The following MBD5 variants were observed in gnomAD, a reference collection of about 807,000 sequenced individuals.
MBD5 encodes the protein methyl-CpG binding domain protein 5, also known as methyl-CpG-binding domain protein 5.
Under a neutral mutation model 117.3 loss-of-function variants are expected in MBD5, and 13 were observed. The ratio of observed to expected loss-of-function variants is 0.11; its 90% CI spans 0.07 to 0.18. The LOEUF (loss-of-function observed/expected upper bound fraction) is 0.18, where lower values mean the gene tolerates loss of function less well. Ranked by LOEUF, MBD5 falls within the 10% of genes least tolerant of loss-of-function variation. The pLI is 1.00. For missense variants in MBD5, 1,879 were observed against 2,093.8 expected (o/e 0.90, Z 2.00); for synonymous variants, 727 against 766.4 (o/e 0.95, Z 0.85).
At chr2:148,171,000 C>T (rs1387987527) in intron 1 of MBD5, among the ~76,000 whole-genome samples, 1 of 152,162 alleles carries the variant, frequency 6.6e-6, no homozygotes, top group East Asian at 1.9e-4. Context: ...ATCAAAATCT[C>T]TCATCAAAGA....
At chr2:148,485,454 A>C (rs1681306137) in intron 9 of MBD5, 1 of 332,376 alleles carries the variant, frequency 3.0e-6, no homozygotes, top group South Asian at 4.0e-5. Flanking sequence ...AGATGAAGGA[A>C]TCATATGACA....
chr2:148,404,125 G>T (rs201544701), intron 4 of MBD5, among the ~76,000 whole-genome samples: 1 of 129,452 alleles, frequency 7.7e-6, no homozygotes. Flanking sequence ...CTAGCATTAT[G>T]GGTTTTTTTT....
chr2:148,446,818 A>C (rs577274252), intron 4 of MBD5, among the ~76,000 whole-genome samples: 1 of 152,012 alleles, frequency 6.6e-6, no homozygotes, highest in African/African-American at 2.4e-5. Flanking sequence ...GAATATGGTA[A>C]TATCTCCCTG....
In MBD5 at chr2:148,485,779, TC is replaced by T; in HGVS notation, c.3583del (p.Gln1195AsnfsTer2). Reference sequence around the variant, plus strand: ...CAATAAACAATACTTTGAGTAACCATCAACTGACTCATCTACAGTCGCTGTT... The same window carrying T: ...CAATAAACAATACTTTGAGTAACCATAACTGACTCATCTACAGTCGCTGTT... ...SSINNTLSNH[Q>X]LTHLQSLLNN... On this transcript the variant is annotated frameshift_variant, in exon 10 of 14. Transcript: ENST00000642680. LOFTEE classifies it high-confidence loss of function. 1 of 1,613,942 alleles carries T rather than the reference TC, an allele frequency of 6.2e-7. No homozygotes were observed. Among genetic ancestry groups the T allele is most frequent in the Non-Finnish European group, 8.5e-7 (1 of 1,179,872 alleles).
intron 4 of MBD5, among the ~76,000 whole-genome samples, chr2:148,428,362 A>G (rs979652160): frequency 9.2e-5 from 14 of 152,160 alleles, no homozygotes; most frequent in African/African-American, 3.4e-4. Context: ...AAATAAATGG[A>G]AAAACGTTCC....
At position 148,394,396 on chromosome 2, in the gene MBD5, A is replaced by G. The variant is rs186898830; in HGVS notation, c.-557+52060A>G. ...TCTTATTCAAGTCTATGTTATAACAATTTTGATATCCTATATTTTTCTGGG... is the reference window on the plus strand; with the variant it reads ...TCTTATTCAAGTCTATGTTATAACAGTTTTGATATCCTATATTTTTCTGGG... On this transcript the variant is annotated intron_variant, in intron 4 of 13. Transcript: ENST00000642680. 1.2e-4 allele frequency among the ~76,000 whole-genome samples: 18 copies of G among 152,128 alleles called. No individual in the cohort carries two copies. In the East Asian group the frequency reaches 3.1e-3, roughly 26 times the overall value.
chr2:148,402,268 C>T (rs1315252513), intron 4 of MBD5, among the ~76,000 whole-genome samples: 2 of 152,094 alleles, frequency 1.3e-5, no homozygotes, highest in East Asian at 3.8e-4. Flanking sequence ...ATAATTATTA[C>T]TAGAGTGGTC....
chr2:148,146,832 T>G (rs904803260), intron 1 of MBD5, among the ~76,000 whole-genome samples: 3 of 152,184 alleles, frequency 2.0e-5, no homozygotes, highest in African/African-American at 7.2e-5. Flanking sequence ...TAACCTGTCA[T>G]TAGTTCATTG....
chr2:148,032,531 C>T (rs537798301), intron 1 of MBD5, among the ~76,000 whole-genome samples: 35 of 151,864 alleles, frequency 2.3e-4, no homozygotes, highest in African/African-American at 7.7e-4. Flanking sequence ...AGCATAGTAC[C>T]GAATATTAAA....
At chr2:148,200,171 C>T (rs758099732) in intron 2 of MBD5, among the ~76,000 whole-genome samples, 1 of 149,004 alleles carries the variant, frequency 6.7e-6, no homozygotes, top group African/African-American at 2.5e-5. Context: ...GCAGTCCCCC[C>T]CTTACCTTGC....
chr2:148,365,079 T>C (rs967028630), intron 4 of MBD5, among the ~76,000 whole-genome samples: 12 of 152,164 alleles, frequency 7.9e-5, no homozygotes, highest in Non-Finnish European at 1.5e-4. Context: ...ATTGACCACA[T>C]AATTGAAAGT....
At chr2:148,384,296 A>T (rs2105465950) in intron 4 of MBD5, among the ~76,000 whole-genome samples, 1 of 152,300 alleles carries the variant, frequency 6.6e-6, no homozygotes, top group South Asian at 2.1e-4. Flanking sequence ...CTAAAATCAC[A>T]AGCATTCTTA....
intron 4 of MBD5, among the ~76,000 whole-genome samples, chr2:148,379,964 A>G (rs1704088969): frequency 6.6e-6 from 1 of 152,186 alleles, no homozygotes; most frequent in Non-Finnish European, 1.5e-5. Context: ...GCAAAAAGTA[A>G]GATACTGGGA....
At chr2:148,389,267 TATATATATATATATATATATATATA>T (rs1266785817) in intron 4 of MBD5, among the ~76,000 whole-genome samples, 3 of 63,494 alleles carry the variant, frequency 4.7e-5, no homozygotes, top group Non-Finnish European at 8.6e-5. Context: ...TATATATATA[TATATATATATATATATATATATATA>T]TATATATATA....
intron 4 of MBD5, among the ~76,000 whole-genome samples, chr2:148,383,318 C>T (rs1704220743): frequency 6.6e-6 from 1 of 152,142 alleles, no homozygotes; most frequent in African/African-American, 2.4e-5. Context: ...TCAGAGAATA[C>T]TATAAACACT....
intron 1 of MBD5, among the ~76,000 whole-genome samples, chr2:148,150,636 C>G (rs1251431268): frequency 6.6e-6 from 1 of 151,642 alleles, no homozygotes; most frequent in African/African-American, 2.4e-5. Context: ...GTTTGTAGTT[C>G]TCCTTGAAGA....
chr2:148,266,797 T>A (rs1247990162), intron 3 of MBD5, among the ~76,000 whole-genome samples: 6 of 152,088 alleles, frequency 3.9e-5, no homozygotes, highest in Admixed American at 6.6e-5. Context: ...TGAAGAAAAC[T>A]ATAAAACTTT....
chr2:148,474,536 A>C (rs1680899248), intron 8 of MBD5, among the ~76,000 whole-genome samples: 1 of 152,186 alleles, frequency 6.6e-6, no homozygotes, highest in Non-Finnish European at 1.5e-5. Flanking sequence ...TTTCCTAAAA[A>C]AAAACCAAAA....
Position 148,441,440 on chromosome 2 carries a change from A to G in MBD5, c.-556-16763A>G, listed in dbSNP as rs1281759800. Among the ~76,000 whole-genome samples the G allele has an allele frequency of 2.0e-5, 3 of 151,962 alleles. No homozygotes were observed. The South Asian group carries it at 6.2e-4, about 32-fold the overall frequency. On this transcript the variant is annotated intron_variant, in intron 4 of 13. Coordinates refer to ENST00000642680, the MANE Select transcript of MBD5 (RefSeq NM_001378120.1). ...TCCCTACAAAGGACATGAACTCATCATTTTTTATGGCTGCATAGTATTCCA... is the reference window on the plus strand; with the variant it reads ...TCCCTACAAAGGACATGAACTCATCGTTTTTTATGGCTGCATAGTATTCCA...
Sources: gnomAD v4.1 joint callset for allele counts (sites outside exome capture counted in the v4.1 genomes callset) on GRCh38, gnomAD v4.1.1 for gene constraint, MANE v1.5 for transcripts, NCBI Gene and HGNC (gene_info 2026-07-23, HGNC 2026-07-21) for gene names.